The following COL25A1 variants were observed in gnomAD, a reference collection of about 807,000 sequenced individuals.
COL25A1 encodes collagen type XXV alpha 1 chain.
In COL25A1, 103 loss-of-function variants were observed where a neutral mutation model predicts 128.4. The ratio of observed to expected loss-of-function variants is 0.80; its 90% CI spans 0.68 to 0.94. COL25A1 has a LOEUF of 0.94. Ranked by LOEUF, COL25A1 falls within the 40% of genes least tolerant of loss-of-function variation. The pLI is 0.00. For missense variants in COL25A1, 745 were observed against 840.0 expected, an observed-to-expected ratio of 0.89 and a Z score of 1.40; for synonymous variants, 279 against 277.2, an observed-to-expected ratio of 1.01 and a Z score of -0.06.
intron 13 of COL25A1, among the ~76,000 whole-genome samples, chr4:108,915,924 G>A: frequency 6.6e-6 from 1 of 152,100 alleles, no homozygotes; most frequent in Non-Finnish European, 1.5e-5. Context: ...CAAGATTCCA[G>A]AAAAACAAAG....
intron 5 of COL25A1, among the ~76,000 whole-genome samples, chr4:109,012,694 G>A (rs1351761842): frequency 1.3e-5 from 2 of 152,170 alleles, no homozygotes; most frequent in Admixed American, 6.5e-5. Flanking sequence ...AATTCTCACC[G>A]GGCCTCAGCC....
chr4:109,033,966 TA>T (rs1759104273), intron 5 of COL25A1, among the ~76,000 whole-genome samples: 1 of 152,204 alleles, frequency 6.6e-6, no homozygotes, highest in Non-Finnish European at 1.5e-5. Context: ...ACACTTAAAT[TA>T]AAGCAAAACA....
chr4:109,161,344 T>C (rs185168284), intron 3 of COL25A1, among the ~76,000 whole-genome samples: 77 of 152,346 alleles, frequency 5.1e-4, no homozygotes, highest in African/African-American at 1.8e-3. Context: ...TGTTCTGAAA[T>C]GTCAATAGTG....
At position 109,138,456 on chromosome 4, in the gene COL25A1, T is replaced by C. The variant is rs534977417; in HGVS notation, c.368-88277A>G. On this transcript the variant is annotated intron_variant, in intron 3 of 37. Transcript: ENST00000399132. ...GTGCCGCAATAAACATACATGTGCA[T>C]GTGTCTTTATAGTAGAATGAGTAAT... is the stretch of plus-strand genomic sequence containing the variant. Among the ~76,000 whole-genome samples the C allele has an allele frequency of 2.6e-3, 396 of 152,336 alleles. 1 individual carries two copies. Among genetic ancestry groups the C allele is most frequent in the Non-Finnish European group, 5.1e-3 (346 of 68,026 alleles).
chr4:109,078,382 T>C (rs1405857537), intron 3 of COL25A1, among the ~76,000 whole-genome samples: 1 of 152,230 alleles, frequency 6.6e-6, no homozygotes, highest in East Asian at 1.9e-4. Flanking sequence ...TTTGAGGTTA[T>C]CTATCATAAA....
intron 19 of COL25A1, among the ~76,000 whole-genome samples, chr4:108,881,184 A>G (rs761330761): frequency 6.6e-6 from 1 of 152,146 alleles, no homozygotes; most frequent in Non-Finnish European, 1.5e-5. Flanking sequence ...AGTGACTTTT[A>G]TTATGTATGC....
At chr4:109,047,683 A>G (rs1760563478) in intron 5 of COL25A1, among the ~76,000 whole-genome samples, 2 of 152,020 alleles carry the variant, frequency 1.3e-5, no homozygotes, top group Non-Finnish European at 2.9e-5. Context: ...ACATGATCAC[A>G]AAATTGTGTA....
intron 3 of COL25A1, among the ~76,000 whole-genome samples, chr4:109,125,152 A>C (rs1384682869): frequency 1.3e-5 from 2 of 152,138 alleles, no homozygotes; most frequent in Non-Finnish European, 2.9e-5. Flanking sequence ...TATCAAAGGG[A>C]TGTATAAAGT....
At chr4:109,117,059 G>T (rs1767649114) in intron 3 of COL25A1, among the ~76,000 whole-genome samples, 2 of 151,666 alleles carry the variant, frequency 1.3e-5, no homozygotes, top group African/African-American at 4.8e-5. Flanking sequence ...AATATCAGAA[G>T]GAGAAGAAAG....
At chr4:109,091,525 GTGTC>G (rs924318764) in intron 3 of COL25A1, among the ~76,000 whole-genome samples, 5 of 152,138 alleles carry the variant, frequency 3.3e-5, no homozygotes, top group South Asian at 4.2e-4. Context: ...GTGTGTGTGT[GTGTC>G]TGTCTATCTA....
intron 8 of COL25A1, among the ~76,000 whole-genome samples, chr4:108,964,084 T>C (rs1751037359): frequency 6.7e-6 from 1 of 150,014 alleles, no homozygotes; most frequent in African/African-American, 2.4e-5. Flanking sequence ...TTAAATAATG[T>C]GAATATTAAA....
intron 3 of COL25A1, among the ~76,000 whole-genome samples, chr4:109,280,129 G>A (rs1311041045): frequency 6.6e-6 from 1 of 152,162 alleles, no homozygotes; most frequent in Non-Finnish European, 1.5e-5. Context: ...ACACTTCGCA[G>A]GACTGAACAA....
intron 3 of COL25A1, among the ~76,000 whole-genome samples, chr4:109,065,149 A>C (rs982257943): frequency 2.0e-5 from 3 of 152,172 alleles, no homozygotes; most frequent in African/African-American, 7.2e-5. Flanking sequence ...AAAGGGATTG[A>C]GGAGGGGAAG....
At chr4:108,992,981 G>A (rs1754369889) in intron 6 of COL25A1, among the ~76,000 whole-genome samples, 1 of 152,148 alleles carries the variant, frequency 6.6e-6, no homozygotes, top group African/African-American at 2.4e-5. Context: ...ATTGTAGAAT[G>A]ACCAAGTCTA....
intron 5 of COL25A1, among the ~76,000 whole-genome samples, chr4:109,028,693 T>C (rs973789406): frequency 1.3e-5 from 2 of 151,210 alleles, no homozygotes; most frequent in Non-Finnish European, 2.9e-5. Flanking sequence ...ACCACTGCAC[T>C]CCAGCCTGGC....
At chr4:109,231,652 T>C (rs6838616) in intron 3 of COL25A1, among the ~76,000 whole-genome samples, 58,718 of 151,990 alleles carry the variant, frequency 0.39, 12,443 homozygotes, top group African/African-American at 0.55. Flanking sequence ...AATTCTATCC[T>C]GACCATCCAA....
At chr4:109,192,334 G>T (rs1775687769) in intron 3 of COL25A1, among the ~76,000 whole-genome samples, 2 of 152,092 alleles carry the variant, frequency 1.3e-5, no homozygotes, top group Admixed American at 6.6e-5. Context: ...TTGGGAGTGG[G>T]GGGCTGCAAC....
chr4:108,935,365 C>T (rs1019152129), intron 11 of COL25A1, among the ~76,000 whole-genome samples: 2 of 152,120 alleles, frequency 1.3e-5, no homozygotes, highest in African/African-American at 4.8e-5. Context: ...TGTTCTTGAT[C>T]TGGTTTGTAC....
chr4:109,186,030 T>C (rs181786646), intron 3 of COL25A1, among the ~76,000 whole-genome samples: 2 of 152,362 alleles, frequency 1.3e-5, no homozygotes, highest in Admixed American at 1.3e-4. Flanking sequence ...AAAATCTTTC[T>C]ATCATTTGCT....
Sources: allele counts gnomAD v4.1 joint callset (sites outside exome capture counted in the v4.1 genomes callset), GRCh38; gene constraint gnomAD v4.1.1; transcripts MANE v1.5; gene names NCBI Gene and HGNC (gene_info 2026-07-23, HGNC 2026-07-21).